Variants in KMT2D observed in about 807,000 individuals in gnomAD.
KMT2D encodes the protein histone-lysine N-methyltransferase 2D.
KMT2D carries 55 observed loss-of-function variants against 512.7 expected under a neutral mutation model. The ratio of observed to expected loss-of-function variants is 0.11; its 90% confidence interval spans 0.09 to 0.13. The LOEUF is 0.13. Among genes scored for constraint, KMT2D ranks in the 10% least tolerant of loss-of-function variants. The pLI is 1.00. For synonymous variants in KMT2D, 2,995 were observed against 2,904.0 expected (o/e 1.03, Z -1.01); for missense variants, 6,061 against 7,127.9 (o/e 0.85, Z 5.39).
Position 49,022,397 on chromosome 12 carries a change from G to A in KMT2D, c.16339-44C>T. The stretch of plus-strand genomic sequence containing the variant: ...CAGAAGAAGGGACAAGAGTATCAGA[G>A]AGTGGCAGTGGTGGCTGTGGGATCA... On this transcript the variant is annotated intron_variant, in intron 52 of 54. Coordinates refer to ENST00000301067, the MANE Select transcript of KMT2D (RefSeq NM_003482.4). This position sits in a 1 kb window ranked among gnomAD's most constrained non-coding sequence, Gnocchi z 8.6. The A allele has an allele frequency of 2.5e-6, 4 of 1,572,830 alleles. No individual in the cohort carries two copies. Among genetic ancestry groups the A allele is most frequent in the Middle Eastern group, 1.7e-4 (1 of 5,920 alleles).
Position 49,040,770 on chromosome 12 carries a change from G to T in KMT2D, c.7000C>A (p.Arg2334=), listed in dbSNP as rs1196495584. Residue 2334 remains arginine, a synonymous_variant, in exon 32 of 55, where the codon CGG becomes AGG. Transcript: ENST00000301067. The part of the protein sequence containing the change: ...PDVFKAPLTP[R]ASQVEPQSPG... ...CTCTGGGGCTCTACCTGAGATGCCC[G>T]AGGGGTCAGGGGGGCTTTGAAGACA... The T allele has an allele frequency of 1.9e-6, 3 of 1,613,552 alleles. No individual in the cohort carries two copies. Among genetic ancestry groups the T allele is most frequent in the Non-Finnish European group, 2.5e-6 (3 of 1,179,700 alleles).
At position 49,048,529 on chromosome 12, in the gene KMT2D, A is replaced by G. The variant is rs181727029; in HGVS notation, c.4131+130T>C. ...ATGGATGGACAAACCAATGAATAAC[A>G]TGATTAGAATTCATGGTCTGTTTTC... On this transcript the variant is annotated intron_variant, in intron 14 of 54. Coordinates refer to ENST00000301067, the MANE Select transcript of KMT2D (RefSeq NM_003482.4). The G allele has an allele frequency of 2.6e-3, 1,725 of 653,452 alleles. 7 individuals are homozygous for G. The highest frequency in any genetic ancestry group is 3.4e-3 in the Non-Finnish European group (1,232 of 360,276). The allele number at this position is 653,452 out of a possible 1,614,324, so 40.5% of individuals were successfully genotyped here.
At chr12:49,045,512 C>A (rs1041826837) in intron 19 of KMT2D, among the ~76,000 whole-genome samples, 1 of 151,942 alleles carries the variant, frequency 6.6e-6, no homozygotes, top group African/African-American at 2.4e-5. Context: ...GGCGTGGTGG[C>A]GGGCACCTGT....
In KMT2D at chr12:49,039,332, G is replaced by A; in HGVS notation, c.8256C>T (p.Pro2752=). The change falls in exon 34 of 55, where the codon CCC becomes CCT. Residue 2752 remains proline (P), a synonymous_variant. Transcript: ENST00000301067. The surrounding 1 kb of genome is among the most constrained non-coding windows in gnomAD (Gnocchi z 5.0). ...TQDKSSLVGL[P]PSKLSGPILG... ...GGATGGGGCCACTCAGCTTGCTTGG[G>A]GGCAACCCCACAAGGCTGCTCTTGT... 6.2e-7 allele frequency: 1 copy of A among 1,613,448 alleles called. No homozygotes were observed. The highest frequency in any genetic ancestry group is 8.5e-7 in the Non-Finnish European group (1 of 1,179,686).
rs368986210 is a variant in KMT2D, at chr12:49,051,463, C to T, written c.2220G>A (p.Gly740=). The change falls in exon 11 of 55, where the codon GGG becomes GGA. Residue 740 remains glycine, a synonymous_variant. Transcript: ENST00000301067. ...EEPQLCPRSE[G]PHLSPRPEEP... ...CCTCAGGCCGGGGTGACAGGTGCGG[C>T]CCCTCGGACCGGGGGCAGAGTTGCG... 2.5e-6 allele frequency: 4 copies of T among 1,613,188 alleles called. No individual in the cohort carries two copies. The highest frequency in any genetic ancestry group is 3.4e-6 in the Non-Finnish European group (4 of 1,179,674).
At position 49,030,592 on chromosome 12, in the gene KMT2D, T is replaced by C. The variant is rs1289611703; in HGVS notation, c.13839+9A>G. ...CACTATTCCCAAAAAATATTGCCATTTTTCTGACCTTGGTAAGCAGCTGGG... is the reference window on the plus strand; with the variant it reads ...CACTATTCCCAAAAAATATTGCCATCTTTCTGACCTTGGTAAGCAGCTGGG... On this transcript the variant is annotated intron_variant, in intron 42 of 54. Coordinates refer to ENST00000301067, the MANE Select transcript of KMT2D (RefSeq NM_003482.4). 1.3e-6 allele frequency: 2 copies of C among 1,549,768 alleles called. No individual in the cohort carries two copies. Among genetic ancestry groups the C allele is most frequent in the African/African-American group, 2.8e-5 (2 of 72,626 alleles).
chr12:49,040,565 G>A lies in KMT2D; in HGVS notation c.7205C>T (p.Ser2402Leu), dbSNP rs750003992. The change falls in exon 32 of 55, where the codon TCA (serine) becomes TTA (leucine). Residue 2402 changes from serine (S) to leucine (L), a missense_variant. Around this residue, in one of 16 missense-constraint regions of KMT2D, gnomAD observed 710 missense variants for 647.3 expected, o/e 1.10. Transcript: ENST00000301067. ...PESCCALPPR[S>L]LPSDPFSRVP... is the part of the protein sequence containing the mutation. ...TCGGGAGAAAGGGTCGGAGGGCAGT[G>A]AGCGAGGGGGCAGAGCACAGCAGCT... 3.1e-6 allele frequency: 5 copies of A among 1,612,706 alleles called. No homozygotes were observed. In the Admixed American group the frequency reaches 5.0e-5, roughly 16 times the overall value.
chr12:49,049,730 C>T lies in KMT2D; in HGVS notation c.3858G>A (p.Gly1286=), dbSNP rs2120639254. The change falls in exon 12 of 55, where the codon GGG becomes GGA. Residue 1286 remains glycine (G), a synonymous_variant. Transcript: ENST00000301067. ...GGGAGCTGCGCCGCCGCCCCTTCTC[C>T]CCCTCAGCTTTGCCTCCGCTGATAG... ...GTAISGGKAE[G]EKGRRRSSPA... 1 of 1,605,252 alleles carries T rather than the reference C, an allele frequency of 6.2e-7. No individual in the cohort carries two copies. Among genetic ancestry groups the T allele is most frequent in the Non-Finnish European group, 8.5e-7 (1 of 1,172,782 alleles).
rs2120529037 is a variant in KMT2D at position 49,040,440 on chromosome 12, A to G, written c.7330T>C (p.Phe2444Leu). The stretch of plus-strand genomic sequence containing the variant: ...CGAGAATAAGGGTCAGGGGACTGGA[A>G]GCGAGGGGTAACGGGTGATGGGCAA... ...AFCPSPVTPR[F>L]QSPDPYSRPP... The change falls in exon 32 of 55, where the codon TTC (phenylalanine) becomes CTC (leucine). Residue 2444 changes from phenylalanine (F) to leucine (L), a missense_variant. Physicochemically the swap from Phe to Leu is conservative, Grantham distance 22. This residue lies in a region of KMT2D where 710 missense variants were observed against 647.3 expected (regional missense o/e 1.10). Coordinates refer to ENST00000301067, the MANE Select transcript of KMT2D (RefSeq NM_003482.4). The G allele has an allele frequency of 6.4e-7, 1 of 1,559,106 alleles. No homozygotes were observed. The highest frequency in any genetic ancestry group is 1.2e-5 in the South Asian group (1 of 82,010).
rs1565775359 is a variant in KMT2D at position 49,032,477 on chromosome 12, C to T, written c.12228G>A (p.Leu4076=). ...KPSLSGDSQL[L]LVQPQPQPQP... is the part of the protein sequence containing the mutation. The stretch of plus-strand genomic sequence containing the variant: ...GAGGCTGGGGCTGGGGTTGGACAAG[C>T]AGGAGTTGTGAGTCCCCAGAGAGTG... The change falls in exon 40 of 55, where the codon CTG becomes CTA. Residue 4076 remains leucine, a synonymous_variant. Transcript: ENST00000301067. 3.2e-6 allele frequency: 5 copies of T among 1,567,528 alleles called. No individual in the cohort carries two copies. The highest frequency in any genetic ancestry group is 2.6e-6 in the Non-Finnish European group (3 of 1,155,952).
At chr12:49,027,706 T>C in intron 48 of KMT2D, 97 bp downstream of exon 48, 2 of 1,444,960 alleles carry the variant, frequency 1.4e-6, no homozygotes, top group Non-Finnish European at 1.9e-6. Context: ...TCACTCGCCT[T>C]GCCTCCCAAA....
intron 15 of KMT2D, 83 bp downstream of exon 15, chr12:49,047,882 G>A (rs1937649553): frequency 6.4e-6 from 6 of 931,564 alleles, no homozygotes; most frequent in Non-Finnish European, 1.0e-5. Flanking sequence ...CGCTTTAAGA[G>A]GTGGTATGGC....
At position 49,054,959 on chromosome 12, in the gene KMT2D, T is replaced by C; in HGVS notation, c.117A>G (p.Gly39=). The stretch of plus-strand genomic sequence containing the variant: ...TCCCAGAACTAAGGACAGAGACCTC[T>C]CCCACATGTGGGTTGGGCAGGTCTG... ...TESDLPNPHV[G]EVSVLSSGSP... Residue 39 remains glycine (G), a synonymous_variant, in exon 3 of 55, where the codon GGA becomes GGG. Coordinates refer to ENST00000301067, the MANE Select transcript of KMT2D (RefSeq NM_003482.4). This position sits in a 1 kb window ranked among gnomAD's most constrained non-coding sequence, Gnocchi z 6.4. The C allele has an allele frequency of 6.2e-7, 1 of 1,613,974 alleles. No individual in the cohort carries two copies. The highest frequency in any genetic ancestry group is 8.5e-7 in the Non-Finnish European group (1 of 1,179,878).
In KMT2D at chr12:49,042,535, C is replaced by T. The variant is rs1468232543; in HGVS notation, c.5867+26G>A. ...GAGGGAAAGGACAACGAGGACTGCCCACAAAGGTTACGCAGAGACACCAAC... is the reference window on the plus strand; with the variant it reads ...GAGGGAAAGGACAACGAGGACTGCCTACAAAGGTTACGCAGAGACACCAAC... On this transcript the variant is annotated intron_variant, in intron 28 of 54. Coordinates refer to ENST00000301067, the MANE Select transcript of KMT2D (RefSeq NM_003482.4). The surrounding 1 kb of genome is among the most constrained non-coding windows in gnomAD (Gnocchi z 4.4). 6.2e-7 allele frequency: 1 copy of T among 1,610,114 alleles called. No homozygotes were observed. Among genetic ancestry groups the T allele is most frequent in the Non-Finnish European group, 8.5e-7 (1 of 1,177,258 alleles).
chr12:49,032,459 G>C lies in KMT2D; in HGVS notation c.12246C>G (p.Pro4082=). ...GCTGCAGAGAGCTGGGCTGAGGCTG[G>C]GGCTGGGGTTGGACAAGCAGGAGTT... ...DSQLLLVQPQ[P]QPQPSSLQLQ... is the part of the protein sequence containing the mutation. Residue 4082 remains proline (P), a synonymous_variant, in exon 40 of 55, where the codon CCC becomes CCG. Transcript: ENST00000301067. 1 of 1,568,536 alleles carries C rather than the reference G, an allele frequency of 6.4e-7. No homozygotes were observed. Among genetic ancestry groups the C allele is most frequent in the Non-Finnish European group, 8.6e-7 (1 of 1,156,436 alleles).
Position 49,042,730 on chromosome 12 carries a change from A to T in KMT2D, c.5782+11T>A, listed in dbSNP as rs2120559436. ...TTATGTCAGTCTTCAGACCACTCCC[A>T]CCTGTATTACCTTGAAGAAAGGGCC... On this transcript the variant is annotated intron_variant, in intron 27 of 54. Coordinates refer to ENST00000301067, the MANE Select transcript of KMT2D (RefSeq NM_003482.4). The surrounding 1 kb of genome is among the most constrained non-coding windows in gnomAD (Gnocchi z 4.4). The T allele has an allele frequency of 6.2e-7, 1 of 1,611,588 alleles. No homozygotes were observed. Among genetic ancestry groups the T allele is most frequent in the Non-Finnish European group, 8.5e-7 (1 of 1,178,366 alleles).
chr12:49,046,893 T>A lies in KMT2D; in HGVS notation c.4237-103A>T, dbSNP rs1943813677. 2.9e-6 allele frequency: 3 copies of A among 1,029,342 alleles called. No individual in the cohort carries two copies. The allele number at this position is 1,029,342 out of a possible 1,614,324, so 63.8% of individuals were successfully genotyped here. On this transcript the variant is annotated intron_variant, in intron 15 of 54. Coordinates refer to ENST00000301067, the MANE Select transcript of KMT2D (RefSeq NM_003482.4). The surrounding 1 kb of genome is among the most constrained non-coding windows in gnomAD (Gnocchi z 4.2). Reference sequence around the variant, plus strand: ...GGAGTTTTGCTCTTGTTCCCCAGGCTGGAGTGCAATGGCGCGATCTCGGCT... The same window carrying A: ...GGAGTTTTGCTCTTGTTCCCCAGGCAGGAGTGCAATGGCGCGATCTCGGCT...
chr12:49,054,133 G>A lies in KMT2D; in HGVS notation c.518C>T (p.Ser173Phe), dbSNP rs1269728206. Residue 173 changes from serine to phenylalanine, a missense_variant, in exon 6 of 55, where the codon TCC (serine) becomes TTC (phenylalanine). Ser to Phe is a radical substitution (Grantham distance 155). Transcript: ENST00000301067. The surrounding 1 kb of genome is among the most constrained non-coding windows in gnomAD (Gnocchi z 6.4). ...GGAGGCACCGAGCCTGGTGCAGTGG[G>A]AGCAGCGCTGCCAGGGTGAAAAAAG... ...AIFSGISQRCSHCTRLGASIP... is the reference protein window; with the variant it reads ...AIFSGISQRCFHCTRLGASIP... 1 of 1,605,066 alleles carries A rather than the reference G, an allele frequency of 6.2e-7. No individual in the cohort carries two copies. Among genetic ancestry groups the A allele is most frequent in the South Asian group, 1.1e-5 (1 of 89,964 alleles).
chr12:49,038,146 C>T lies in KMT2D; in HGVS notation c.9210G>A (p.Leu3070=), dbSNP rs2120491077. 2 of 1,613,964 alleles carry T rather than the reference C, an allele frequency of 1.2e-6. No homozygotes were observed. The highest frequency in any genetic ancestry group is 2.2e-5 in the South Asian group (2 of 91,082). The change falls in exon 35 of 55, where the codon CTG becomes CTA. Residue 3070 remains leucine, a synonymous_variant. Coordinates refer to ENST00000301067, the MANE Select transcript of KMT2D (RefSeq NM_003482.4). This position sits in a 1 kb window ranked among gnomAD's most constrained non-coding sequence, Gnocchi z 5.7. ...GDKKDIFNEH[L]RLVESANEKA... ...TCTCATTAGCCGATTCTACCAGCCT[C>T]AGGTGCTCATTGAAGATATCCTTCT...
Sources: gnomAD v4.1 joint callset for allele counts (sites outside exome capture counted in the v4.1 genomes callset) on GRCh38, gnomAD v4.1.1 for gene constraint, gnomAD v4.1.1 regional missense constraint, Gnocchi (gnomAD v3.1) non-coding constraint, MANE v1.5 for transcripts, NCBI Gene and HGNC (gene_info 2026-07-23, HGNC 2026-07-21) for gene names.